Variants in KIAA1217 observed in about 807,000 individuals in gnomAD.
The protein encoded by KIAA1217 is sickle tail protein homolog.
A neutral mutation model predicts 163.9 loss-of-function variants in KIAA1217; 88 were observed. The observed-to-expected ratio is 0.54, with a 90% confidence interval of 0.45 to 0.64. The LOEUF is 0.64. Ranked by LOEUF, KIAA1217 falls within the 30% of genes least tolerant of loss-of-function variation. The pLI is 0.00. For missense variants in KIAA1217, 2,372 were observed against 2,475.0 expected, an observed-to-expected ratio of 0.96 and a Z score of 0.88; for synonymous variants, 903 against 923.1, an observed-to-expected ratio of 0.98 and a Z score of 0.39.
chr10:23,732,978 A>G (rs1173974978), intron 1 of KIAA1217, among the ~76,000 whole-genome samples: 3 of 151,948 alleles, frequency 2.0e-5, no homozygotes, highest in African/African-American at 7.2e-5. Context: ...AAACATTTAT[A>G]TCACTTCTCA....
Position 23,747,542 on chromosome 10 carries a change from G to A in KIAA1217, c.-321+52308G>A, listed in dbSNP as rs542314974. 3.3e-5 allele frequency among the ~76,000 whole-genome samples: 5 copies of A among 152,254 alleles called. No homozygotes were observed. The East Asian group carries it at 9.7e-4, about 29-fold the overall frequency. ...AGTAGGGCCAGGACATGTCAAGAAG[G>A]GAATGACTATCTGCACCAAGATAGT... On this transcript the variant is annotated intron_variant, in intron 1 of 18. Transcript: ENST00000376462.
intron 17 of KIAA1217, among the ~76,000 whole-genome samples, chr10:24,538,097 A>G (rs2074297634): frequency 6.6e-6 from 1 of 152,230 alleles, no homozygotes; most frequent in Non-Finnish European, 1.5e-5. Context: ...CCCAATAGCT[A>G]CTACAGATGG....
chr10:23,867,494 A>G (rs993694951), intron 1 of KIAA1217, among the ~76,000 whole-genome samples: 4 of 152,150 alleles, frequency 2.6e-5, no homozygotes, highest in African/African-American at 7.2e-5. Context: ...CTATTTCTTG[A>G]CATCCTCTCC....
intron 1 of KIAA1217, among the ~76,000 whole-genome samples, chr10:23,878,109 C>T (rs1172427751): frequency 4.6e-5 from 7 of 151,792 alleles, no homozygotes; most frequent in Non-Finnish European, 1.0e-4. Context: ...ACAAGAAGAC[C>T]GACTTATGAG....
intron 17 of KIAA1217, among the ~76,000 whole-genome samples, chr10:24,539,867 T>C (rs2074742774): frequency 6.6e-6 from 1 of 152,218 alleles, no homozygotes; most frequent in South Asian, 2.1e-4. Flanking sequence ...TCTTCACTTG[T>C]ATGCAATTTT....
intron 1 of KIAA1217, among the ~76,000 whole-genome samples, chr10:23,726,979 CTTTTTTTTTTT>C (rs1012125050): frequency 3.2e-5 from 3 of 93,420 alleles, no homozygotes; most frequent in Non-Finnish European, 6.0e-5. Flanking sequence ...GTATAGGCCT[CTTTTTTTTTTT>C]TTTTTTTTTT....
At chr10:24,183,080 G>A (rs2066256820) in intron 2 of KIAA1217, among the ~76,000 whole-genome samples, 1 of 152,132 alleles carries the variant, frequency 6.6e-6, no homozygotes, top group Non-Finnish European at 1.5e-5. Context: ...ACAAGAGCGG[G>A]TTGCTATAAA....
At chr10:24,368,585 T>C (rs1267630416) in intron 2 of KIAA1217, among the ~76,000 whole-genome samples, 1 of 152,178 alleles carries the variant, frequency 6.6e-6, no homozygotes, top group Non-Finnish European at 1.5e-5. Flanking sequence ...AAGGTTAAGG[T>C]TGGAAATCGA....
chr10:24,363,440 T>A (rs1241049892), intron 2 of KIAA1217, among the ~76,000 whole-genome samples: 1 of 152,154 alleles, frequency 6.6e-6, no homozygotes, highest in Non-Finnish European at 1.5e-5. Context: ...TTATTAGGAG[T>A]CTCTGAAATA....
At chr10:24,371,422 A>C (rs930033399) in intron 2 of KIAA1217, among the ~76,000 whole-genome samples, 1 of 152,240 alleles carries the variant, frequency 6.6e-6, no homozygotes, top group Admixed American at 6.5e-5. Context: ...CCTAGAATCA[A>C]ATTTTAAGAG....
Position 24,531,818 on chromosome 10 carries a change from A to C in KIAA1217, c.3083-12A>C. 6.3e-7 allele frequency: 1 copy of C among 1,579,644 alleles called. No homozygotes were observed. The highest frequency in any genetic ancestry group is 1.8e-5 in the Admixed American group (1 of 56,462). ...AAAAAGATTATTCTTGTAATGGTGC[A>C]CTGTTTTCCAGAAGATTCTCCAAAT... is the stretch of plus-strand genomic sequence containing the variant. On this transcript the variant is annotated splice_polypyrimidine_tract_variant and intron_variant, in intron 14 of 20. Coordinates refer to ENST00000376454, the MANE Select transcript of KIAA1217 (RefSeq NM_019590.5).
chr10:23,867,443 T>C (rs1228309915), intron 1 of KIAA1217, among the ~76,000 whole-genome samples: 3 of 152,186 alleles, frequency 2.0e-5, no homozygotes, highest in African/African-American at 7.2e-5. Context: ...TCCACAATGG[T>C]TGAACTAGTT....
intron 2 of KIAA1217, among the ~76,000 whole-genome samples, chr10:24,345,810 T>C (rs2047674815): frequency 6.6e-6 from 1 of 152,208 alleles, no homozygotes; most frequent in African/African-American, 2.4e-5. Flanking sequence ...TTTTAAATTG[T>C]AGTAAAATAC....
chr10:23,983,598 G>A (rs1234412240), intron 1 of KIAA1217, among the ~76,000 whole-genome samples: 1 of 152,122 alleles, frequency 6.6e-6, no homozygotes, highest in Non-Finnish European at 1.5e-5. Context: ...CCATTCATGA[G>A]AACTCCGCCC....
intron 1 of KIAA1217, among the ~76,000 whole-genome samples, chr10:23,822,769 C>T (rs532846070): frequency 6.6e-6 from 1 of 152,106 alleles, no homozygotes; most frequent in South Asian, 2.1e-4. Context: ...GTTTTTCCCA[C>T]AGAGTTTTGT....
chr10:23,790,934 C>G (rs11595975), intron 1 of KIAA1217, among the ~76,000 whole-genome samples: 32,613 of 151,780 alleles, frequency 0.21, 3,651 homozygotes, highest in Middle Eastern at 0.28. Flanking sequence ...CAGGGTTTTG[C>G]CACGTTGCCA....
At chr10:24,311,031 T>C (rs1205402197) in intron 2 of KIAA1217, among the ~76,000 whole-genome samples, 1 of 152,118 alleles carries the variant, frequency 6.6e-6, no homozygotes, top group African/African-American at 2.4e-5. Context: ...AAATGAAGAT[T>C]GCCAAATATT....
At chr10:23,766,690 G>A (rs1313390993) in intron 1 of KIAA1217, among the ~76,000 whole-genome samples, 1 of 149,968 alleles carries the variant, frequency 6.7e-6, no homozygotes, top group Non-Finnish European at 1.5e-5. Flanking sequence ...CCGGTTTCAA[G>A]CGATTATTGT....
intron 1 of KIAA1217, among the ~76,000 whole-genome samples, chr10:23,696,941 A>G (rs751242866): frequency 8.5e-5 from 13 of 152,226 alleles, no homozygotes; most frequent in Non-Finnish European, 1.8e-4. Context: ...TGCTAGGGGA[A>G]CATGTCAAGA....
Sources: gnomAD v4.1 joint callset for allele counts (sites outside exome capture counted in the v4.1 genomes callset) on GRCh38, gnomAD v4.1.1 for gene constraint, MANE v1.5 for transcripts, NCBI Gene and HGNC (gene_info 2026-07-23, HGNC 2026-07-21) for gene names.